The following ADGRB3 variants were observed in gnomAD, a reference collection of about 807,000 sequenced individuals.
ADGRB3 encodes the protein adhesion G protein-coupled receptor B3.
Under a neutral mutation model 193.4 loss-of-function variants are expected in ADGRB3, and 37 were observed. The observed-to-expected ratio is 0.19, with a 90% CI of 0.15 to 0.25. The LOEUF is 0.25. Among genes scored for constraint, ADGRB3 ranks in the 10% least tolerant of loss-of-function variants. The probability of loss-of-function intolerance (pLI) is 1.00; values close to 1 mark genes in which losing one functional copy is unlikely to be tolerated. For synonymous variants in ADGRB3, 690 were observed against 644.2 expected (o/e 1.07, Z -1.08); for missense variants, 1,637 against 1,852.9 (o/e 0.88, Z 2.14).
chr6:68,999,357 C>T (rs1296731836), intron 11 of ADGRB3, among the ~76,000 whole-genome samples: 5 of 151,682 alleles, frequency 3.3e-5, no homozygotes, highest in South Asian at 2.1e-4. Flanking sequence ...CTCTGCCTCC[C>T]GGGTTCACGC....
chr6:69,188,902 C>T (rs1765124345), intron 17 of ADGRB3, among the ~76,000 whole-genome samples: 1 of 151,832 alleles, frequency 6.6e-6, no homozygotes. Context: ...ATTATAAATG[C>T]CTTTTTATAT....
At chr6:69,154,218 T>C (rs2150342308) in intron 17 of ADGRB3, among the ~76,000 whole-genome samples, 1 of 152,302 alleles carries the variant, frequency 6.6e-6, no homozygotes, top group South Asian at 2.1e-4. Context: ...GGGATCGTAG[T>C]TCCCATGTGA....
chr6:68,821,166 T>C (rs1767741688), intron 3 of ADGRB3, among the ~76,000 whole-genome samples: 1 of 152,080 alleles, frequency 6.6e-6, no homozygotes, highest in African/African-American at 2.4e-5. Flanking sequence ...ACTTTATAAA[T>C]ATTAATCAAA....
intron 3 of ADGRB3, among the ~76,000 whole-genome samples, chr6:68,764,148 C>T (rs1219734609): frequency 1.3e-5 from 2 of 152,178 alleles, no homozygotes; most frequent in Non-Finnish European, 2.9e-5. Flanking sequence ...TCCACAATTA[C>T]TCTCTCATGC....
At chr6:68,731,149 A>G (rs1004360240) in intron 3 of ADGRB3, among the ~76,000 whole-genome samples, 1 of 151,420 alleles carries the variant, frequency 6.6e-6, no homozygotes, top group Non-Finnish European at 1.5e-5. Flanking sequence ...AAGAAATTGA[A>G]GAATAATAAT....
chr6:69,341,832 G>A (rs1242249402), intron 26 of ADGRB3, among the ~76,000 whole-genome samples: 1 of 152,206 alleles, frequency 6.6e-6, no homozygotes, highest in Non-Finnish European at 1.5e-5. Flanking sequence ...CTTTAAGTAA[G>A]ATACATGATG....
chr6:68,994,067 A>G lies in ADGRB3; in HGVS notation c.1929+105A>G, dbSNP rs1582378881. ...CTTGGAGGCGGACTGGAGGAAGATA[A>G]TGCTCATCCAAGTTATGCTTAGTGT... On this transcript the variant is annotated intron_variant, in intron 11 of 31. Coordinates refer to ENST00000370598, the MANE Select transcript of ADGRB3 (RefSeq NM_001704.3). 11 of 1,103,384 alleles carry G rather than the reference A, an allele frequency of 1.0e-5. No individual in the cohort carries two copies. The East Asian group carries it at 2.4e-4, about 24-fold the overall frequency. 68.3% of individuals were successfully genotyped at this position (1,103,384 alleles called of 1,614,324 possible).
chr6:69,380,847 T>C (rs1769930794), intron 30 of ADGRB3, among the ~76,000 whole-genome samples: 1 of 151,886 alleles, frequency 6.6e-6, no homozygotes, highest in East Asian at 1.9e-4. Context: ...CCTGAGCATC[T>C]AGCACAATAT....
rs900371109 is a variant in ADGRB3, at chr6:69,336,341, C to T, written c.3189-2575C>T. On this transcript the variant is annotated intron_variant, in intron 24 of 31. Coordinates refer to ENST00000370598, the MANE Select transcript of ADGRB3 (RefSeq NM_001704.3). ...GAATTTTCTTATCTACTGCCTTAAA[C>T]GTCTTTGTCTTATGTACCTGAAACT... is the stretch of plus-strand genomic sequence containing the variant. Among the ~76,000 whole-genome samples the T allele has an allele frequency of 3.9e-5, 6 of 151,902 alleles. No homozygotes were observed. In the East Asian group the frequency reaches 7.7e-4, roughly 20 times the overall value.
At chr6:69,123,711 G>A (rs951170508) in intron 17 of ADGRB3, among the ~76,000 whole-genome samples, 1 of 152,146 alleles carries the variant, frequency 6.6e-6, no homozygotes, top group Non-Finnish European at 1.5e-5. Flanking sequence ...GAGTAGGGGA[G>A]CGAATCATAT....
intron 3 of ADGRB3, among the ~76,000 whole-genome samples, chr6:68,724,900 A>G (rs1562006642): frequency 6.6e-6 from 1 of 151,746 alleles, no homozygotes; most frequent in East Asian, 1.9e-4. Context: ...TAACAAAGGC[A>G]TGTTTGCAAC....
chr6:69,120,659 G>A (rs1303208411), intron 17 of ADGRB3, among the ~76,000 whole-genome samples: 2 of 152,200 alleles, frequency 1.3e-5, no homozygotes, highest in African/African-American at 4.8e-5. Context: ...GAGGGGAGAT[G>A]GTAGCCTGGA....
At chr6:68,837,483 C>T (rs937709964) in intron 3 of ADGRB3, among the ~76,000 whole-genome samples, 2 of 152,044 alleles carry the variant, frequency 1.3e-5, no homozygotes, top group Non-Finnish European at 2.9e-5. Flanking sequence ...ATTCATTTGC[C>T]ATTTGTATGA....
chr6:68,683,135 T>A (rs924194884), intron 3 of ADGRB3, among the ~76,000 whole-genome samples: 1 of 152,158 alleles, frequency 6.6e-6, no homozygotes, highest in African/African-American at 2.4e-5. Flanking sequence ...ATAAAAATAG[T>A]TGATATTGGT....
chr6:68,787,005 G>T (rs1180107030), intron 3 of ADGRB3, among the ~76,000 whole-genome samples: 2 of 152,134 alleles, frequency 1.3e-5, no homozygotes. Context: ...CATTGATTTT[G>T]TATCCTGAGA....
chr6:69,256,640 C>T (rs779451), intron 20 of ADGRB3, among the ~76,000 whole-genome samples: 15,404 of 152,120 alleles, frequency 0.1, 881 homozygotes, highest in African/African-American at 0.12. Flanking sequence ...ACAATCATGT[C>T]GTCTGCAAAC....
rs752799769 is a variant in ADGRB3 at position 68,638,975 on chromosome 6, T to C, written c.300T>C (p.Asp100=). 1.2e-6 allele frequency: 2 copies of C among 1,613,960 alleles called. No individual in the cohort carries two copies. The highest frequency in any genetic ancestry group is 1.7e-6 in the Non-Finnish European group (2 of 1,179,970). Residue 100 remains aspartate (D), a synonymous_variant, in exon 3 of 32, where the codon GAT becomes GAC. Coordinates refer to ENST00000370598, the MANE Select transcript of ADGRB3 (RefSeq NM_001704.3). ...FDHFSHEKIK[D]LLRKNHSIMQ... ...ATTTTTCCCATGAAAAAATAAAGGA[T>C]CTTTTAAGAAAGAATCATTCTATAA...
chr6:68,693,510 CAA>C (rs1214272856), intron 3 of ADGRB3, among the ~76,000 whole-genome samples: 3 of 151,940 alleles, frequency 2.0e-5, no homozygotes, highest in African/African-American at 7.2e-5. Context: ...AAGTTGAAAG[CAA>C]AGTGTCCTCA....
At chr6:69,167,793 A>G (rs1367389733) in intron 17 of ADGRB3, among the ~76,000 whole-genome samples, 1 of 152,134 alleles carries the variant, frequency 6.6e-6, no homozygotes, top group Non-Finnish European at 1.5e-5. Context: ...AGCCTGTATT[A>G]GAGATGGATA....
Sources: allele counts gnomAD v4.1 joint callset (sites outside exome capture counted in the v4.1 genomes callset), GRCh38; gene constraint gnomAD v4.1.1; transcripts MANE v1.5; gene names NCBI Gene and HGNC (gene_info 2026-07-23, HGNC 2026-07-21).